The following FBN1 variants were observed in gnomAD, a reference collection of about 807,000 sequenced individuals.
FBN1 encodes fibrillin 1, also known as fibrillin-1.
A neutral mutation model predicts 365.1 loss-of-function variants in FBN1; 29 were observed. The observed-to-expected ratio is 0.08, with a 90% confidence interval of 0.06 to 0.11. FBN1 has a LOEUF of 0.11. Ranked by LOEUF, FBN1 falls within the 10% of genes least tolerant of loss-of-function variation. The pLI is 1.00. For missense variants in FBN1, 2,476 were observed against 3,703.2 expected (o/e 0.67, Z 8.60); for synonymous variants, 1,210 against 1,270.5 (o/e 0.95, Z 1.01).
At chr15:48,417,999 C>T (rs143077583) in intron 63 of FBN1, among the ~76,000 whole-genome samples, 60 of 152,250 alleles carry the variant, frequency 3.9e-4, no homozygotes, top group African/African-American at 1.4e-3. Context: ...ACCTGCAAGG[C>T]GTGGGTATAT....
chr15:48,470,812 C>T (rs772671892), intron 35 of FBN1, 56 bp from the exon 36 acceptor site: 3 of 1,568,946 alleles, frequency 1.9e-6, no homozygotes, highest in Non-Finnish European at 1.7e-6. Flanking sequence ...CTAAAAAAAA[C>T]CTGCCAAATA....
chr15:48,640,259 T>C (rs1890175144), intron 2 of FBN1, among the ~76,000 whole-genome samples: 1 of 152,204 alleles, frequency 6.6e-6, no homozygotes, highest in Admixed American at 6.5e-5. Flanking sequence ...ATTTTGTCTC[T>C]ACCTTCTTGT....
chr15:48,589,144 G>A (rs1028332149), intron 6 of FBN1, among the ~76,000 whole-genome samples: 2 of 152,178 alleles, frequency 1.3e-5, no homozygotes, highest in African/African-American at 4.8e-5. Flanking sequence ...TCAAGAGGCT[G>A]GAAGTACCAC....
chr15:48,643,089 T>C (rs978450219), intron 2 of FBN1: 1 of 152,224 alleles, frequency 6.6e-6, no homozygotes, highest in East Asian at 1.9e-4. Flanking sequence ...GTCCTTTATA[T>C]ACAGGAGCAA....
At position 48,600,012 on chromosome 15, in the gene FBN1, T is replaced by C. The variant is rs544744152; in HGVS notation, c.442+127A>G. 145 of 741,310 alleles carry C rather than the reference T, an allele frequency of 2.0e-4. 1 individual carries two copies. Among genetic ancestry groups the C allele is most frequent in the Admixed American group, 3.2e-4 (16 of 50,178 alleles). 45.9% of individuals were successfully genotyped at this position (741,310 alleles called of 1,614,324 possible). A position where few individuals can be genotyped will look rare whatever the true frequency, so the allele number is the denominator to read the frequency against. Reference sequence around the variant, plus strand: ...TAAGTGATTTGTTCATCTGTAAAGGTCACTGGACACTTGTAAACATGCTGT... The same window carrying C: ...TAAGTGATTTGTTCATCTGTAAAGGCCACTGGACACTTGTAAACATGCTGT... On this transcript the variant is annotated intron_variant, in intron 5 of 65. Transcript: ENST00000316623.
At chr15:48,469,107 TATTAC>T (rs2043348540) in intron 36 of FBN1, among the ~76,000 whole-genome samples, 1 of 102,474 alleles carries the variant, frequency 9.8e-6, no homozygotes, top group African/African-American at 4.1e-5. Flanking sequence ...ATATAATATA[TATTAC>T]ATATATATAT....
At chr15:48,480,176 G>A (rs759778070) in intron 32 of FBN1, among the ~76,000 whole-genome samples, 13 of 152,154 alleles carry the variant, frequency 8.5e-5, no homozygotes, top group Non-Finnish European at 1.8e-4. Context: ...GGGGAATGAA[G>A]GTTGTTCCAT....
chr15:48,421,006 A>C (rs1447630415), intron 62 of FBN1, among the ~76,000 whole-genome samples, 200 bp from the exon 63 acceptor site: 2 of 152,198 alleles, frequency 1.3e-5, no homozygotes, highest in Non-Finnish European at 2.9e-5. Flanking sequence ...ACAAATAAAA[A>C]TTGTCAGGAA....
chr15:48,552,311 C>T (rs1279470523), intron 6 of FBN1, among the ~76,000 whole-genome samples: 4 of 144,880 alleles, frequency 2.8e-5, no homozygotes, highest in Non-Finnish European at 4.5e-5. Context: ...CTCATTGTGT[C>T]GCCCTAGCTA....
At position 48,421,989 on chromosome 15, in the gene FBN1, A is replaced by G. The variant is rs750331217; in HGVS notation, c.7533T>C (p.Cys2511=). The G allele has an allele frequency of 2.0e-5, 33 of 1,613,950 alleles. No homozygotes were observed. The highest frequency in any genetic ancestry group is 2.5e-5 in the Non-Finnish European group (29 of 1,179,942). The part of the protein sequence containing the change: ...VNTIGGFTCK[C]PPGFTQHHTS... ...TATGGTGTTGGGTAAATCCGGGAGG[A>G]CATTTGCATGTGAAGCCGCCAATGG... Residue 2511 remains cysteine (C), a synonymous_variant, in exon 61 of 66, where the codon TGT becomes TGC. Coordinates refer to ENST00000316623, the MANE Select transcript of FBN1 (RefSeq NM_000138.5).
chr15:48,479,386 T>C lies in FBN1; in HGVS notation c.3964+2269A>G, dbSNP rs191756494. 5.3e-5 allele frequency among the ~76,000 whole-genome samples: 8 copies of C among 152,298 alleles called. No individual in the cohort carries two copies. The East Asian group carries it at 1.5e-3, about 29-fold the overall frequency. ...GAGTAACTGCAGAGCACCCTGGTGA[T>C]TTGTTCAAGATCATGAATGAGTGGA... On this transcript the variant is annotated intron_variant, in intron 32 of 65. Coordinates refer to ENST00000316623, the MANE Select transcript of FBN1 (RefSeq NM_000138.5).
At chr15:48,516,907 C>A (rs538199177) in intron 10 of FBN1, among the ~76,000 whole-genome samples, 1 of 152,068 alleles carries the variant, frequency 6.6e-6, no homozygotes, top group Non-Finnish European at 1.5e-5. Flanking sequence ...GTGATTGAAT[C>A]GGACAGAAGT....
intron 18 of FBN1, among the ~76,000 whole-genome samples, chr15:48,497,963 TG>T (rs1473792352): frequency 6.6e-6 from 1 of 152,222 alleles, no homozygotes; most frequent in African/African-American, 2.4e-5. Flanking sequence ...CAGGAATGCT[TG>T]GAGCAGGCCT....
In FBN1 at chr15:48,470,811, A is replaced by T. The variant is rs75227249; in HGVS notation, c.4337-55T>A. 184,337 of 1,576,618 alleles carry T rather than the reference A, an allele frequency of 0.12. 11,945 individuals carry two copies. Among genetic ancestry groups the T allele is most frequent in the Non-Finnish European group, 0.13 (149,417 of 1,159,204 alleles). On this transcript the variant is annotated intron_variant, in intron 35 of 65. Coordinates refer to ENST00000316623, the MANE Select transcript of FBN1 (RefSeq NM_000138.5). ...CTTAACTTATATTTTTCTAAAAAAA[A>T]CCTGCCAAATATAATTAGGCAACTA...
intron 23 of FBN1, 58 bp from the exon 24 acceptor site, chr15:48,492,644 T>G: frequency 7.8e-7 from 1 of 1,286,872 alleles, no homozygotes; most frequent in South Asian, 1.3e-5. Flanking sequence ...TTCTACCTTA[T>G]TCTACTCATA....
In FBN1 at chr15:48,620,473, A is replaced by T. The variant is rs544416410; in HGVS notation, c.165-7381T>A. On this transcript the variant is annotated intron_variant, in intron 2 of 65. Coordinates refer to ENST00000316623, the MANE Select transcript of FBN1 (RefSeq NM_000138.5). ...ATAATTAATGTGAGGAAGCTGGGCC[A>T]TAGAGATTAATCCATCTAAATTCAT... Among the ~76,000 whole-genome samples the T allele has an allele frequency of 1.2e-3, 179 of 152,222 alleles. 1 individual carries two copies. The highest frequency in any genetic ancestry group is 2.2e-3 in the Non-Finnish European group (151 of 68,040).
At chr15:48,448,738 T>C in intron 46 of FBN1, 30 bp downstream of exon 46, 1 of 1,598,666 alleles carries the variant, frequency 6.3e-7, no homozygotes, top group Non-Finnish European at 8.5e-7. Flanking sequence ...CAACAGCATA[T>C]GAAAAAAATA....
chr15:48,550,962 TATGAATGA>T (rs113964524), intron 6 of FBN1, among the ~76,000 whole-genome samples: 19 of 119,366 alleles, frequency 1.6e-4, no homozygotes, highest in African/African-American at 3.7e-4. Flanking sequence ...CTCAAGTATT[TATGAATGA>T]ATGAATGAAT....
intron 7 of FBN1, among the ~76,000 whole-genome samples, chr15:48,534,986 C>G (rs2044003002): frequency 6.6e-6 from 1 of 152,084 alleles, no homozygotes; most frequent in Non-Finnish European, 1.5e-5. Context: ...GATCTTTTAC[C>G]CATTTTCCAC....
Sources: gnomAD v4.1 joint callset for allele counts (sites outside exome capture counted in the v4.1 genomes callset) on GRCh38, gnomAD v4.1.1 for gene constraint, MANE v1.5 for transcripts, NCBI Gene and HGNC (gene_info 2026-07-23, HGNC 2026-07-21) for gene names.